The following SPECC1L variants were observed in gnomAD, a reference collection of about 807,000 sequenced individuals.
SPECC1L encodes the protein sperm antigen with calponin homology and coiled-coil domains 1 like, also known as cytospin-A.
A neutral mutation model predicts 116.8 loss-of-function variants in SPECC1L; 40 were observed. That is an observed-to-expected ratio of 0.34 (90% CI 0.27 to 0.45). The LOEUF (loss-of-function observed/expected upper bound fraction) is 0.45. SPECC1L is among the 20% of genes least tolerant of loss of function. SPECC1L has a pLI of 1.00. For synonymous variants in SPECC1L, 504 were observed against 500.6 expected (o/e 1.01, Z -0.09); for missense variants, 1,110 against 1,373.6 (o/e 0.81, Z 3.03).
At chr22:24,287,629 A>G (rs1174698992) in intron 2 of SPECC1L, among the ~76,000 whole-genome samples, 1 of 152,134 alleles carries the variant, frequency 6.6e-6, no homozygotes, top group African/African-American at 2.4e-5. Flanking sequence ...TGAGATTAGA[A>G]AGAAACCCCT....
chr22:24,279,392 TTTTTA>T (rs992241048), intron 2 of SPECC1L, among the ~76,000 whole-genome samples: 2 of 152,190 alleles, frequency 1.3e-5, no homozygotes, highest in African/African-American at 2.4e-5. Context: ...CTTTGTTTAC[TTTTTA>T]TTTTATTTTA....
At chr22:24,288,903 C>T (rs950305925) in intron 2 of SPECC1L, among the ~76,000 whole-genome samples, 4 of 152,100 alleles carry the variant, frequency 2.6e-5, no homozygotes, top group East Asian at 1.9e-4. Context: ...GGATTACAGG[C>T]GTGAGCCATT....
chr22:24,390,882 T>C lies in SPECC1L; in HGVS notation c.3088-20706T>C, dbSNP rs1385470021. On this transcript the variant is annotated intron_variant, in intron 14 of 16. Transcript: ENST00000314328. ...TTTTTTTTTTCTTTTCTTTTTTTTT[T>C]TTTTTTTTTTTTTTTTGAGTCAGAG... 4.2e-3 allele frequency among the ~76,000 whole-genome samples: 503 copies of C among 119,726 alleles called. 5 individuals are homozygous for C. Among genetic ancestry groups the C allele is most frequent in the African/African-American group, 0.015 (468 of 30,808 alleles). 78.5% of individuals were successfully genotyped at this position (119,726 alleles called of 152,430 possible).
At chr22:24,338,164 A>G (rs1043185192) in intron 9 of SPECC1L, among the ~76,000 whole-genome samples, 22 of 152,234 alleles carry the variant, frequency 1.4e-4, no homozygotes, top group African/African-American at 5.1e-4. Context: ...GTTAGAAATA[A>G]GCATGACTAC....
intron 5 of SPECC1L, among the ~76,000 whole-genome samples, chr22:24,323,268 A>G (rs759476145): frequency 1.3e-5 from 2 of 152,178 alleles, no homozygotes; most frequent in Non-Finnish European, 2.9e-5. Flanking sequence ...GTTTTGGTGT[A>G]ATAGGTGGAG....
chr22:24,365,941 C>T (rs568176828), intron 13 of SPECC1L, among the ~76,000 whole-genome samples: 1 of 150,940 alleles, frequency 6.6e-6, no homozygotes, highest in South Asian at 2.1e-4. Context: ...GGAAGGCATC[C>T]CAGAAGGTTA....
rs1471389161 is a variant in SPECC1L at position 24,276,785 on chromosome 22, T to G, written c.-56T>G. On this transcript the variant is annotated 5_prime_UTR_variant, in exon 2 of 17. Coordinates refer to ENST00000314328, the MANE Select transcript of SPECC1L (RefSeq NM_015330.6). ...CCTGAGGCAGTCCGATGGGGCTACT[T>G]TATTCCAGAACAATCACAGTGAGAC... The G allele has an allele frequency of 2.2e-6, 1 of 453,800 alleles. No individual in the cohort carries two copies. The highest frequency in any genetic ancestry group is 4.4e-6 in the Non-Finnish European group (1 of 226,702). The allele number at this position is 453,800 out of a possible 1,614,324, so 28.1% of individuals were successfully genotyped here. A position where few individuals can be genotyped will look rare whatever the true frequency, so the allele number is the denominator to read the frequency against.
In SPECC1L at chr22:24,335,183, C is replaced by G. The variant is rs1011864288; in HGVS notation, c.2560+610C>G. Among the ~76,000 whole-genome samples the G allele has an allele frequency of 6.6e-5, 10 of 152,216 alleles. 1 individual carries two copies. The highest frequency in any genetic ancestry group is 1.4e-4 in the African/African-American group (6 of 41,450). ...TCTTTGCTTTGTCTTCTCTCCATCT[C>G]TAGCGGCACAAGCTTTAGTTCAAGC... On this transcript the variant is annotated intron_variant, in intron 9 of 16. Transcript: ENST00000314328.
At chr22:24,318,403 CGCAGGCACTCG>C (rs1165919115) in intron 4 of SPECC1L, among the ~76,000 whole-genome samples, 3 of 152,092 alleles carry the variant, frequency 2.0e-5, no homozygotes, top group Non-Finnish European at 4.4e-5. Context: ...CGCCTGCAAT[CGCAGGCACTCG>C]GCAGGCTGAG....
At chr22:24,324,543 C>A in intron 6 of SPECC1L, 116 bp downstream of exon 6, 1 of 969,438 alleles carries the variant, frequency 1.0e-6, no homozygotes, top group Non-Finnish European at 1.6e-6. Context: ...GTAATTCCAG[C>A]ACTTTGGGAG....
chr22:24,371,641 AC>A lies in SPECC1L; in HGVS notation c.3087+2322del, dbSNP rs2041871795. ...AGGGAAATTAGAAAATGCTCTGAGA[AC>A]AAAAATGAACGCAGCATACCAAAAT... On this transcript the variant is annotated intron_variant, in intron 14 of 16. Coordinates refer to ENST00000314328, the MANE Select transcript of SPECC1L (RefSeq NM_015330.6). Among the ~76,000 whole-genome samples, 2 of 152,210 alleles carry A rather than the reference AC, an allele frequency of 1.3e-5. 1 individual carries two copies. Among genetic ancestry groups the A allele is most frequent in the South Asian group, 4.1e-4 (2 of 4,830 alleles).
intron 14 of SPECC1L, among the ~76,000 whole-genome samples, chr22:24,381,337 T>C (rs1445760480): frequency 2.6e-5 from 4 of 152,222 alleles, no homozygotes; most frequent in African/African-American, 9.6e-5. Flanking sequence ...TCACTTAATC[T>C]AGTACAAAAT....
In SPECC1L at chr22:24,290,115, A is replaced by G. The variant is rs115960770; in HGVS notation, c.-37-12080A>G. Among the ~76,000 whole-genome samples, 1,163 of 151,950 alleles carry G rather than the reference A, an allele frequency of 7.7e-3. 13 individuals carry two copies. Among genetic ancestry groups the G allele is most frequent in the African/African-American group, 0.026 (1,091 of 41,320 alleles). On this transcript the variant is annotated intron_variant, in intron 2 of 16. Coordinates refer to ENST00000314328, the MANE Select transcript of SPECC1L (RefSeq NM_015330.6). Reference sequence around the variant, plus strand: ...CCTCCTTATCTTGATTAAAGTGGCCACTCAGGCGTGACTGAGCAGTCTTTC... The same window carrying G: ...CCTCCTTATCTTGATTAAAGTGGCCGCTCAGGCGTGACTGAGCAGTCTTTC...
chr22:24,271,595 T>C (rs1328262670), intron 1 of SPECC1L, among the ~76,000 whole-genome samples: 1 of 152,254 alleles, frequency 6.6e-6, no homozygotes, highest in African/African-American at 2.4e-5. Context: ...TTTCCAGGAA[T>C]TTGGTAATTG....
intron 11 of SPECC1L, among the ~76,000 whole-genome samples, chr22:24,352,423 G>T (rs757567949): frequency 6.6e-6 from 1 of 152,100 alleles, no homozygotes; most frequent in Non-Finnish European, 1.5e-5. Flanking sequence ...GTCTTAAGAA[G>T]TTCGTTAGTC....
chr22:24,327,020 T>G (rs1240731851), intron 6 of SPECC1L, among the ~76,000 whole-genome samples: 1 of 152,080 alleles, frequency 6.6e-6, no homozygotes, highest in African/African-American at 2.4e-5. Flanking sequence ...TGGCTCATGC[T>G]TGTAATCCTA....
At chr22:24,313,037 T>C (rs2040492480) in intron 3 of SPECC1L, among the ~76,000 whole-genome samples, 1 of 152,208 alleles carries the variant, frequency 6.6e-6, no homozygotes, top group Admixed American at 6.5e-5. Context: ...TCCCCCATCA[T>C]CTGAATCTGG....
intron 11 of SPECC1L, among the ~76,000 whole-genome samples, chr22:24,351,550 A>C (rs1378839324): frequency 6.6e-6 from 1 of 152,166 alleles, no homozygotes; most frequent in Non-Finnish European, 1.5e-5. Flanking sequence ...GTCTGTTGTC[A>C]TGCCTTAGTG....
chr22:24,327,778 C>T (rs540076523), intron 6 of SPECC1L, among the ~76,000 whole-genome samples: 2 of 152,252 alleles, frequency 1.3e-5, no homozygotes, highest in South Asian at 2.1e-4. Context: ...TCTGTGAGGT[C>T]ATCACATGGC....
Sources: allele counts gnomAD v4.1 joint callset (sites outside exome capture counted in the v4.1 genomes callset), GRCh38; gene constraint gnomAD v4.1.1; transcripts MANE v1.5; gene names NCBI Gene and HGNC (gene_info 2026-07-23, HGNC 2026-07-21).